SCARA5: variants seen among roughly 807,000 people sequenced by gnomAD.
SCARA5 encodes scavenger receptor class A, member 5 (putative).
Under a neutral mutation model 46.3 loss-of-function variants are expected in SCARA5, and 45 were observed. That is an observed-to-expected ratio of 0.97 (90% CI 0.76 to 1.24). The LOEUF is 1.24. SCARA5 is among the 50% of genes most tolerant of loss of function. SCARA5 has a pLI of 0.00. For missense variants in SCARA5, 680 were observed against 689.0 expected (o/e 0.99, Z 0.15); for synonymous variants, 333 against 306.5 (o/e 1.09, Z -0.90).
chr8:27,913,435 T>A (rs1476811754), intron 4 of SCARA5, among the ~76,000 whole-genome samples: 1 of 152,232 alleles, frequency 6.6e-6, no homozygotes. Flanking sequence ...CTTTTTAGTG[T>A]GTTTACTGAC....
At chr8:27,941,554 A>T (rs779298581) in intron 3 of SCARA5, among the ~76,000 whole-genome samples, 1 of 152,118 alleles carries the variant, frequency 6.6e-6, no homozygotes. Flanking sequence ...AATCAAATAG[A>T]TGGGAAGAAA....
At position 27,984,035 on chromosome 8, in the gene SCARA5, C is replaced by T. The variant is rs115645565; in HGVS notation, c.112+3469G>A. On this transcript the variant is annotated intron_variant, in intron 2 of 8. Coordinates refer to ENST00000354914, the MANE Select transcript of SCARA5 (RefSeq NM_173833.6). ...CATTTACTAAATAAAGGCTCAAGGG[C>T]GGCCCTGACCGGATTCAGGGTGCTG... is the stretch of plus-strand genomic sequence containing the variant. Among the ~76,000 whole-genome samples the T allele has an allele frequency of 1.1e-4, 17 of 152,238 alleles. No individual in the cohort carries two copies. In the South Asian group the frequency reaches 1.5e-3, roughly 13 times the overall value.
In SCARA5 at chr8:27,905,803, C is replaced by T. The variant is rs147629529; in HGVS notation, c.1097-969G>A. ...TTAGCTCACTGCAACTTCCACTCCC[C>T]GGGTTCAAGTGATTCTCCTGCCTCA... On this transcript the variant is annotated intron_variant, in intron 6 of 8. Transcript: ENST00000354914. Among the ~76,000 whole-genome samples, 899 of 150,916 alleles carry T rather than the reference C, an allele frequency of 6.0e-3. 11 individuals are homozygous for T. The highest frequency in any genetic ancestry group is 0.021 in the African/African-American group (844 of 41,078).
At chr8:27,946,596 C>T (rs1307169238) in intron 3 of SCARA5, among the ~76,000 whole-genome samples, 2 of 152,224 alleles carry the variant, frequency 1.3e-5, no homozygotes, top group Non-Finnish European at 2.9e-5. Context: ...TTTGTTATGG[C>T]AGCCTCAGCA....
chr8:27,965,950 T>G (rs1056470943), intron 3 of SCARA5, among the ~76,000 whole-genome samples: 1 of 152,116 alleles, frequency 6.6e-6, no homozygotes, highest in African/African-American at 2.4e-5. Context: ...TAGAAATTGG[T>G]AAGGAGAGCC....
At chr8:27,914,154 C>T (rs1384286686) in intron 4 of SCARA5, among the ~76,000 whole-genome samples, 1 of 152,216 alleles carries the variant, frequency 6.6e-6, no homozygotes, top group African/African-American at 2.4e-5. Context: ...GTTCTGCACA[C>T]ACTCTCTTGC....
chr8:27,886,650 A>G (rs1250116033), intron 7 of SCARA5, among the ~76,000 whole-genome samples: 3 of 152,128 alleles, frequency 2.0e-5, no homozygotes, highest in Admixed American at 1.3e-4. Context: ...GGAATCACCA[A>G]CGCCCTCCAA....
At chr8:27,889,433 C>T (rs567765947) in intron 7 of SCARA5, among the ~76,000 whole-genome samples, 1 of 152,320 alleles carries the variant, frequency 6.6e-6, no homozygotes, top group African/African-American at 2.4e-5. Flanking sequence ...TTGCATGACA[C>T]GTGTGGGAGC....
chr8:27,932,527 C>A (rs1247542265), intron 3 of SCARA5, among the ~76,000 whole-genome samples: 1 of 152,230 alleles, frequency 6.6e-6, no homozygotes, highest in Non-Finnish European at 1.5e-5. Context: ...GATCAAGGTG[C>A]CACCAGGCTG....
chr8:27,889,948 T>A (rs898651386), intron 7 of SCARA5, among the ~76,000 whole-genome samples: 1 of 152,008 alleles, frequency 6.6e-6, no homozygotes, highest in African/African-American at 2.4e-5. Context: ...ATTAATTCTT[T>A]ATGTATATTT....
intron 7 of SCARA5, among the ~76,000 whole-genome samples, chr8:27,901,208 G>T (rs755824110): frequency 7.9e-5 from 12 of 152,302 alleles, no homozygotes; most frequent in Non-Finnish European, 1.3e-4. Flanking sequence ...CTAGTGAGGG[G>T]TGTCGGTCAT....
chr8:27,881,242 T>C (rs1267857614), intron 7 of SCARA5, among the ~76,000 whole-genome samples: 1 of 152,184 alleles, frequency 6.6e-6, no homozygotes, highest in Non-Finnish European at 1.5e-5. Flanking sequence ...ACACATACAC[T>C]CATATGTTCA....
rs754409308 is a variant in SCARA5 at position 27,932,790 on chromosome 8, G to A, written c.242-10545C>T. On this transcript the variant is annotated intron_variant, in intron 3 of 8. Coordinates refer to ENST00000354914, the MANE Select transcript of SCARA5 (RefSeq NM_173833.6). The stretch of plus-strand genomic sequence containing the variant: ...ATTACAGGCACCTGCCACCATAGCC[G>A]GCTAATTTTTTTGTATTTTTAGTAG... Among the ~76,000 whole-genome samples, 15 of 152,196 alleles carry A rather than the reference G, an allele frequency of 9.9e-5. No homozygotes were observed. In the South Asian group the frequency reaches 1.9e-3, roughly 19 times the overall value.
intron 3 of SCARA5, among the ~76,000 whole-genome samples, chr8:27,931,796 A>G (rs1233732897): frequency 6.6e-6 from 1 of 151,816 alleles, no homozygotes; most frequent in Non-Finnish European, 1.5e-5. Context: ...CTGGGACTAC[A>G]TGCACACGCC....
intron 3 of SCARA5, among the ~76,000 whole-genome samples, chr8:27,926,769 ATCTGAGAGGT>A (rs1346046331): frequency 2.0e-5 from 3 of 152,102 alleles, no homozygotes; most frequent in Non-Finnish European, 1.5e-5. Flanking sequence ...AGAGGTAAGA[ATCTGAGAGGT>A]TCTGAGAGGT....
intron 7 of SCARA5, among the ~76,000 whole-genome samples, chr8:27,890,302 C>G (rs1352772128): frequency 6.6e-6 from 1 of 152,188 alleles, no homozygotes; most frequent in Non-Finnish European, 1.5e-5. Flanking sequence ...AGTAACAAAC[C>G]ATAATACAGA....
intron 1 of SCARA5, among the ~76,000 whole-genome samples, chr8:27,991,886 C>T (rs1563204191): frequency 6.6e-6 from 1 of 151,898 alleles, no homozygotes; most frequent in African/African-American, 2.4e-5. Flanking sequence ...TGCACACACA[C>T]ACATGCACAC....
At chr8:27,909,769 G>A (rs1268948206) in intron 4 of SCARA5, 26 bp from the exon 5 acceptor site, 3 of 1,499,960 alleles carry the variant, frequency 2.0e-6, no homozygotes, top group African/African-American at 2.8e-5. Context: ...CAGCACTGAG[G>A]TTAGGGGGCT....
intron 3 of SCARA5, among the ~76,000 whole-genome samples, chr8:27,951,802 C>T (rs1194841990): frequency 3.9e-5 from 6 of 152,150 alleles, no homozygotes; most frequent in Admixed American, 2.0e-4. Context: ...ACATTTTTCA[C>T]GGGGAATGAC....
Sources: gnomAD v4.1 joint callset for allele counts (sites outside exome capture counted in the v4.1 genomes callset) on GRCh38, gnomAD v4.1.1 for gene constraint, MANE v1.5 for transcripts, NCBI Gene and HGNC (gene_info 2026-07-23, HGNC 2026-07-21) for gene names.